Variants in ACSL6 observed in about 807,000 individuals in gnomAD.
The protein encoded by ACSL6 is acyl-CoA synthetase long chain family member 6.
In ACSL6, 47 loss-of-function variants were observed where a neutral mutation model predicts 98.2. That is an observed-to-expected ratio of 0.48 (90% CI 0.38 to 0.61). The LOEUF is 0.61. Ranked by LOEUF, ACSL6 falls within the 20% of genes least tolerant of loss-of-function variation. The probability of loss-of-function intolerance (pLI) is 0.00; values close to 1 mark genes in which losing one functional copy is unlikely to be tolerated. For missense variants in ACSL6, 761 were observed against 913.4 expected (o/e 0.83, Z 2.15); for synonymous variants, 362 against 336.9 (o/e 1.07, Z -0.82).
upstream of ACSL6, chr5:132,011,724 C>A: frequency 7.8e-7 from 1 of 1,274,706 alleles, no homozygotes; most frequent in Non-Finnish European, 9.9e-7. This position sits in a 1 kb window ranked among gnomAD's most constrained non-coding sequence, Gnocchi z 5.4. Context: ...GCTGCGGAGA[C>A]GGCTCAAGGG....
rs1350172534 is a variant in ACSL6 at position 131,976,701 on chromosome 5, G to T, written c.937C>A (p.Leu313Ile). ...TCAGCCACCACGTTCCCATGGGTGA[G>T]CATCGCACCTTTTGGGTTCCCTATA... The part of the protein sequence containing the change: ...GTTGNPKGAM[L>I]THGNVVADFS... Residue 313 changes from leucine (L) to isoleucine (I), a missense_variant, in exon 10 of 21, where the codon CTC becomes ATC. Transcript: ENST00000651883. The T allele has an allele frequency of 6.2e-7, 1 of 1,614,052 alleles. No individual in the cohort carries two copies. Among genetic ancestry groups the T allele is most frequent in the East Asian group, 2.2e-5 (1 of 44,898 alleles).
At chr5:131,962,403 T>C in intron 18 of ACSL6, 132 bp downstream of exon 18, 2 of 1,098,536 alleles carry the variant, frequency 1.8e-6, no homozygotes, top group Non-Finnish European at 2.5e-6. Flanking sequence ...AGATTTCTCC[T>C]TTAAAAAGGA....
chr5:131,960,662 C>T (rs763284005), intron 18 of ACSL6, 41 bp from the exon 19 acceptor site: 1 of 1,504,986 alleles, frequency 6.6e-7, no homozygotes, highest in Non-Finnish European at 9.1e-7. Flanking sequence ...ATGACAAATG[C>T]ATTTAAAGTG....
intron 2 of ACSL6, chr5:131,993,635 A>G: frequency 4.1e-6 from 1 of 244,210 alleles, no homozygotes; most frequent in Non-Finnish European, 8.1e-6. Flanking sequence ...GTACTCAGGG[A>G]GAGCAGGGCC....
chr5:132,012,073 G>A, upstream of ACSL6: 3 of 1,092,400 alleles, frequency 2.7e-6, no homozygotes, highest in Admixed American at 5.5e-5. Flanking sequence ...TCGAATGGCA[G>A]CCGGGTCGCG....
At chr5:131,988,502 A>G in intron 6 of ACSL6, 1 of 1,599,688 alleles carries the variant, frequency 6.3e-7, no homozygotes, top group Non-Finnish European at 8.6e-7. Flanking sequence ...TGTTTGAGAT[A>G]TTTACCACCC....
In ACSL6 at chr5:131,960,526, T is replaced by C. The variant is rs1236755994; in HGVS notation, c.1953A>G (p.Thr651=). 3 of 1,612,702 alleles carry C rather than the reference T, an allele frequency of 1.9e-6. No individual in the cohort carries two copies. Among genetic ancestry groups the C allele is most frequent in the Non-Finnish European group, 2.5e-6 (3 of 1,179,668 alleles). The change falls in exon 19 of 21, where the codon ACA becomes ACG. Residue 651 remains threonine (T), a synonymous_variant. Coordinates refer to ENST00000651883, the MANE Select transcript of ACSL6 (RefSeq NM_001009185.3). The part of the protein sequence containing the change: ...GIEGTYADLC[T]NKDLKKAILE... ...ACAGCCCCAAGATACCAACCTTATTTGTGCAGAGATCTGCATATGTTCCTT... is the reference window on the plus strand; with the variant it reads ...ACAGCCCCAAGATACCAACCTTATTCGTGCAGAGATCTGCATATGTTCCTT...
chr5:132,011,925 C>CG (rs1580714818), upstream of ACSL6: 9 of 1,555,488 alleles, frequency 5.8e-6, no homozygotes, highest in East Asian at 2.2e-4. This position sits in a 1 kb window ranked among gnomAD's most constrained non-coding sequence, Gnocchi z 5.4. Context: ...TGGCATTCTG[C>CG]GGAAACCGGC....
chr5:132,008,647 T>C (rs973886618), intron 1 of ACSL6, among the ~76,000 whole-genome samples: 1 of 152,212 alleles, frequency 6.6e-6, no homozygotes, highest in Non-Finnish European at 1.5e-5. Flanking sequence ...ACAACCCACA[T>C]TGCTCAGGCA....
chr5:131,977,337 G>A (rs549819841), intron 9 of ACSL6, among the ~76,000 whole-genome samples: 2 of 152,282 alleles, frequency 1.3e-5, no homozygotes, highest in African/African-American at 2.4e-5. Flanking sequence ...GAGGAAGTCA[G>A]GGGCTGCTAG....
chr5:131,985,175 G>T, intron 9 of ACSL6: 2 of 567,926 alleles, frequency 3.5e-6, no homozygotes, highest in Non-Finnish European at 6.4e-6. Context: ...CTCAGCTCTG[G>T]GAGGTGCCAA....
At chr5:131,991,629 C>A (rs1004808809) in intron 2 of ACSL6, among the ~76,000 whole-genome samples, 5 of 152,066 alleles carry the variant, frequency 3.3e-5, no homozygotes, top group African/African-American at 1.2e-4. Context: ...AGGTGGCAAA[C>A]CCCTCTGTGC....
At chr5:131,958,354 C>A (rs1752527542) in intron 20 of ACSL6, among the ~76,000 whole-genome samples, 1 of 152,224 alleles carries the variant, frequency 6.6e-6, no homozygotes, top group Non-Finnish European at 1.5e-5. Context: ...TCTACATGAT[C>A]ACAGAGGATC....
intron 8 of ACSL6, 79 bp from the exon 9 acceptor site, chr5:131,985,537 C>T: frequency 6.8e-7 from 1 of 1,462,032 alleles, no homozygotes; most frequent in Non-Finnish European, 9.5e-7. Context: ...GCTCCCCAAC[C>T]AGCCAGGCCC....
chr5:131,988,568 C>T, intron 6 of ACSL6: 1 of 1,607,820 alleles, frequency 6.2e-7, no homozygotes, highest in Non-Finnish European at 8.5e-7. Context: ...TGTGTGGAGG[C>T]TGTTGCAGAG....
chr5:131,981,055 G>C (rs1330447728), intron 9 of ACSL6, among the ~76,000 whole-genome samples: 1 of 151,926 alleles, frequency 6.6e-6, no homozygotes, highest in Non-Finnish European at 1.5e-5. Flanking sequence ...CATCTTCCTG[G>C]CCTCCCAGAC....
chr5:132,010,853 C>T (rs966325757), intron 1 of ACSL6, among the ~76,000 whole-genome samples: 1 of 152,056 alleles, frequency 6.6e-6, no homozygotes, highest in African/African-American at 2.4e-5. Context: ...AGCGCGGAGG[C>T]GGGATCGAGC....
intron 9 of ACSL6, 124 bp from the exon 10 acceptor site, chr5:131,976,845 A>G (rs1753647004): frequency 2.6e-6 from 2 of 759,162 alleles, no homozygotes; most frequent in East Asian, 2.6e-5. Flanking sequence ...CTTTGTCTTC[A>G]GCCACCTTTA....
intron 1 of ACSL6, among the ~76,000 whole-genome samples, chr5:132,005,554 C>T (rs949602819): frequency 6.6e-6 from 1 of 152,258 alleles, no homozygotes; most frequent in African/African-American, 2.4e-5. Flanking sequence ...TCTAGCTGCC[C>T]TTTCTATCCA....
Sources: allele counts gnomAD v4.1 joint callset (sites outside exome capture counted in the v4.1 genomes callset), GRCh38; gene constraint gnomAD v4.1.1; non-coding constraint Gnocchi (gnomAD v3.1); transcripts MANE v1.5; gene names NCBI Gene and HGNC (gene_info 2026-07-23, HGNC 2026-07-21).